MACF1: variants seen among roughly 807,000 people sequenced by gnomAD.
MACF1 encodes microtubule-actin cross-linking factor 1.
A neutral mutation model predicts 854.8 loss-of-function variants in MACF1; 193 were observed. That is an observed-to-expected ratio of 0.23 (90% CI 0.20 to 0.25). MACF1 has a LOEUF of 0.25. Ranked by LOEUF, MACF1 falls within the 10% of genes least tolerant of loss-of-function variation. The pLI, the probability that MACF1 is intolerant of heterozygous loss-of-function variation, is 1.00. For missense variants in MACF1, 7,722 were observed against 8,929.1 expected (o/e 0.86, Z 5.45); for synonymous variants, 3,185 against 3,226.7 (o/e 0.99, Z 0.44).
chr1:39,341,796 A>G (rs1646941018), intron 40 of MACF1, among the ~76,000 whole-genome samples: 1 of 151,526 alleles, frequency 6.6e-6, no homozygotes, highest in Non-Finnish European at 1.5e-5. Context: ...ACCTGTTATT[A>G]TCAATCTCAT....
chr1:39,263,435 T>A, intron 6 of MACF1, among the ~76,000 whole-genome samples: 1 of 152,202 alleles, frequency 6.6e-6, no homozygotes, highest in East Asian at 1.9e-4. Context: ...GTTTTGAAAA[T>A]CTCAAATACT....
chr1:39,300,881 G>T (rs1468301423), intron 22 of MACF1, among the ~76,000 whole-genome samples: 1 of 152,014 alleles, frequency 6.6e-6, no homozygotes, highest in Non-Finnish European at 1.5e-5. Flanking sequence ...ACAAAAATTA[G>T]CCAGGTACAG....
intron 21 of MACF1, chr1:39,298,602 C>G: frequency 2.4e-6 from 1 of 418,440 alleles, no homozygotes. Flanking sequence ...TTTTTTTTGT[C>G]GGTAAAATTT....
chr1:39,232,152 A>G (rs1644784818), intron 2 of MACF1, among the ~76,000 whole-genome samples: 1 of 149,104 alleles, frequency 6.7e-6, no homozygotes, highest in Admixed American at 6.7e-5. Flanking sequence ...TTATTATGGT[A>G]TTATTATTTT....
chr1:39,102,664 G>A, intron 2 of MACF1: 1 of 668,466 alleles, frequency 1.5e-6, no homozygotes, highest in Non-Finnish European at 2.7e-6. Context: ...CAAGGATAAA[G>A]GGCATTAATT....
At chr1:39,398,361 ACTC>A (rs1252992213) in intron 58 of MACF1, among the ~76,000 whole-genome samples, 1 of 151,458 alleles carries the variant, frequency 6.6e-6, no homozygotes, top group African/African-American at 2.4e-5. Context: ...CCGGCCTTGA[ACTC>A]CTGAGCTCAA....
At chr1:39,380,403 G>C (rs748845876) in intron 55 of MACF1, 30 bp downstream of exon 55, 31 of 1,599,814 alleles carry the variant, frequency 1.9e-5, no homozygotes, top group Non-Finnish European at 2.6e-5. Flanking sequence ...TTACAAATTT[G>C]CTAAGTTACT....
intron 96 of MACF1, 111 bp from the exon 97 acceptor site, chr1:39,469,436 C>T (rs1490534284): frequency 1.3e-6 from 1 of 754,184 alleles, no homozygotes; most frequent in African/African-American, 1.7e-5. Flanking sequence ...AGCAGAGCTG[C>T]ATGTGGGTGC....
In MACF1 at chr1:39,332,857, C is replaced by T; in HGVS notation, c.6269C>T (p.Pro2090Leu). ...TTTGTAGAACAAAAAGAGAGAAATC[C>T]AAACATTGATGCTTTGAAGGTAATA... ...DLFVEQKERNPNIDALKVINK... is the reference protein window; with the variant it reads ...DLFVEQKERNLNIDALKVINK... Residue 2090 changes from proline (P) to leucine (L), a missense_variant, in exon 37 of 101, where the codon CCA (proline) becomes CTA (leucine). Physicochemically the swap from Pro to Leu is moderately conservative, Grantham distance 98 (BLOSUM62 -3). Transcript: ENST00000564288. 1 of 1,614,010 alleles carries T rather than the reference C, an allele frequency of 6.2e-7. No homozygotes were observed. Among genetic ancestry groups the T allele is most frequent in the Non-Finnish European group, 8.5e-7 (1 of 1,180,004 alleles).
intron 88 of MACF1, among the ~76,000 whole-genome samples, chr1:39,454,212 T>TG (rs1246955865): frequency 6.6e-6 from 1 of 152,204 alleles, no homozygotes; most frequent in African/African-American, 2.4e-5. Context: ...TCCATGTTGG[T>TG]GGGGTCCACA....
At chr1:39,277,153 G>GAA (rs35640640) in intron 6 of MACF1, among the ~76,000 whole-genome samples, 10 of 143,620 alleles carry the variant, frequency 7.0e-5, no homozygotes, top group Middle Eastern at 3.3e-3. Context: ...CAGAATGAAT[G>GAA]AAAAAAAAAA....
rs372475203 is a variant in MACF1, at chr1:39,316,499, A to G, written c.3558A>G (p.Ser1186=). ...AAGAAGTAGTACTGGCAGATCTCTC[A>G]GCTCTGGAGGCCCATTGGTCGACAT... ...SQEEVVLADL[S]ALEAHWSTLR... Residue 1186 remains serine (S), a synonymous_variant, in exon 28 of 101, where the codon TCA becomes TCG. Coordinates refer to ENST00000564288, the MANE Select transcript of MACF1 (RefSeq NM_001394062.1). 1.4e-5 allele frequency: 22 copies of G among 1,613,810 alleles called. 1 individual carries two copies. The highest frequency in any genetic ancestry group is 3.3e-5 in the Admixed American group (2 of 60,000).
At chr1:39,236,503 T>A (rs1644860624) in intron 2 of MACF1, among the ~76,000 whole-genome samples, 2 of 152,236 alleles carry the variant, frequency 1.3e-5, no homozygotes, top group Admixed American at 1.3e-4. Context: ...TGCCCCTGAC[T>A]ATACTCCTTA....
chr1:39,432,484 G>A (rs1234978827), intron 66 of MACF1, 51 bp from the exon 67 acceptor site: 2 of 1,584,818 alleles, frequency 1.3e-6, no homozygotes, highest in Non-Finnish European at 1.7e-6. Context: ...GCAGTTATGT[G>A]GAGACTTGGC....
chr1:39,247,650 A>C (rs1248000117), intron 2 of MACF1, among the ~76,000 whole-genome samples: 1 of 152,218 alleles, frequency 6.6e-6, no homozygotes, highest in African/African-American at 2.4e-5. Flanking sequence ...GAAATCAGCA[A>C]ATTCTACAAG....
intron 2 of MACF1, among the ~76,000 whole-genome samples, chr1:39,125,854 G>A (rs889011387): frequency 5.9e-5 from 9 of 152,280 alleles, no homozygotes; most frequent in Admixed American, 5.2e-4. Context: ...TTAGCTGGGC[G>A]TGGTGGCATG....
intron 6 of MACF1, among the ~76,000 whole-genome samples, chr1:39,264,928 C>G (rs937879653): frequency 2.6e-5 from 4 of 152,124 alleles, no homozygotes; most frequent in African/African-American, 9.7e-5. Flanking sequence ...CCCGCCTCGG[C>G]CTCCCAAAGT....
intron 1 of MACF1, among the ~76,000 whole-genome samples, chr1:39,206,295 G>A (rs1359353483): frequency 6.6e-6 from 1 of 152,108 alleles, no homozygotes; most frequent in Non-Finnish European, 1.5e-5. Flanking sequence ...ACCTCAAAGT[G>A]GCTTTCCTGT....
intron 58 of MACF1, among the ~76,000 whole-genome samples, chr1:39,397,696 G>C (rs1324444516): frequency 6.6e-6 from 1 of 152,092 alleles, no homozygotes. Flanking sequence ...GTGCTGACTC[G>C]CTCATGTAAT....
Sources: gnomAD v4.1 joint callset for allele counts (sites outside exome capture counted in the v4.1 genomes callset) on GRCh38, gnomAD v4.1.1 for gene constraint, MANE v1.5 for transcripts, NCBI Gene and HGNC (gene_info 2026-07-23, HGNC 2026-07-21) for gene names.